Variants in BTBD8 observed in about 807,000 individuals in gnomAD.
BTBD8 encodes the protein BTB domain containing 8, also known as BTB/POZ domain-containing protein 8.
Under a neutral mutation model 162.9 loss-of-function variants are expected in BTBD8, and 110 were observed. The ratio of observed to expected loss-of-function variants is 0.68; its 90% confidence interval spans 0.58 to 0.79. The LOEUF (loss-of-function observed/expected upper bound fraction) is 0.79, where lower values mean the gene tolerates loss of function less well. BTBD8 is among the 30% of genes least tolerant of loss of function. The probability of loss-of-function intolerance (pLI) is 0.00; values close to 1 mark genes in which losing one functional copy is unlikely to be tolerated. For missense variants in BTBD8, 1,905 were observed against 2,085.4 expected (o/e 0.91, Z 1.68); for synonymous variants, 667 against 716.1 (o/e 0.93, Z 1.10).
At chr1:92,148,765 T>C (rs1405239005) in intron 9 of BTBD8, among the ~76,000 whole-genome samples, 1 of 152,194 alleles carries the variant, frequency 6.6e-6, no homozygotes, top group Non-Finnish European at 1.5e-5. Context: ...GGGACACAAG[T>C]ATTGATTCTG....
intron 2 of BTBD8, among the ~76,000 whole-genome samples, chr1:92,099,171 T>G (rs1648525121): frequency 6.6e-6 from 1 of 152,216 alleles, no homozygotes; most frequent in Non-Finnish European, 1.5e-5. Context: ...CATTGTGTTA[T>G]TGTCTGGACA....
chr1:92,150,084 A>T (rs1373018288), intron 9 of BTBD8, among the ~76,000 whole-genome samples: 1 of 152,230 alleles, frequency 6.6e-6, no homozygotes, highest in African/African-American at 2.4e-5. Context: ...ATAAGTCTGC[A>T]CCGATGTCAT....
chr1:92,157,799 G>A (rs1650194195), intron 9 of BTBD8, among the ~76,000 whole-genome samples: 1 of 152,100 alleles, frequency 6.6e-6, no homozygotes, highest in South Asian at 2.1e-4. Context: ...GAGCCACTGT[G>A]CCCAACATGT....
chr1:92,180,385 T>C lies in BTBD8; in HGVS notation c.2702T>C (p.Met901Thr). 6.4e-7 allele frequency: 1 copy of C among 1,551,298 alleles called. No individual in the cohort carries two copies. The highest frequency in any genetic ancestry group is 8.7e-7 in the Non-Finnish European group (1 of 1,146,876). ...TTEKQAPKRK[M>T]VKQVHTALPK... Reference sequence around the variant, plus strand: ...GAGAAACAAGCACCTAAGAGAAAAATGGTCAAGCAAGTACACACAGCTTTG... The same window carrying C: ...GAGAAACAAGCACCTAAGAGAAAAACGGTCAAGCAAGTACACACAGCTTTG... Residue 901 changes from methionine to threonine, a missense_variant, in exon 17 of 18, where the codon ATG becomes ACG. Met to Thr is a moderately conservative substitution (Grantham distance 81). This residue lies in a region of BTBD8 where 1,374 missense variants were observed against 1,442.7 expected (regional missense o/e 0.95). Coordinates refer to ENST00000636805, the MANE Select transcript of BTBD8 (RefSeq NM_001376131.1).
At chr1:92,168,796 G>A in intron 11 of BTBD8, 70 bp from the exon 12 acceptor site, 2 of 1,378,832 alleles carry the variant, frequency 1.5e-6, no homozygotes, top group Non-Finnish European at 1.9e-6. Context: ...AGTAGATTCT[G>A]AAAGGAATAA....
chr1:92,140,883 A>G (rs962287121), intron 6 of BTBD8, among the ~76,000 whole-genome samples: 1 of 152,220 alleles, frequency 6.6e-6, no homozygotes, highest in Non-Finnish European at 1.5e-5. Flanking sequence ...GACATCTCCA[A>G]ATTTATTTCT....
chr1:92,108,408 A>G (rs1020748588), intron 4 of BTBD8, among the ~76,000 whole-genome samples: 2 of 152,260 alleles, frequency 1.3e-5, no homozygotes, highest in Non-Finnish European at 2.9e-5. Context: ...GCATTATAGT[A>G]TTGAGAAGTA....
chr1:92,161,251 C>T (rs919732712), intron 9 of BTBD8, among the ~76,000 whole-genome samples: 4 of 152,202 alleles, frequency 2.6e-5, no homozygotes, highest in Non-Finnish European at 5.9e-5. Flanking sequence ...TTGCTGATGT[C>T]ACTTCTCCTC....
chr1:92,180,008 G>T (rs1171767165), intron 16 of BTBD8, among the ~76,000 whole-genome samples: 1 of 152,052 alleles, frequency 6.6e-6, no homozygotes, highest in African/African-American at 2.4e-5. Flanking sequence ...TTTACTTGAG[G>T]AAGAGAGATC....
intron 9 of BTBD8, among the ~76,000 whole-genome samples, chr1:92,160,661 C>A (rs1650255294): frequency 6.6e-6 from 1 of 151,940 alleles, no homozygotes. Flanking sequence ...TTGGATACTC[C>A]TCTACACTCC....
chr1:92,102,725 T>G, intron 3 of BTBD8, 56 bp downstream of exon 3: 1 of 1,328,996 alleles, frequency 7.5e-7, no homozygotes. Context: ...TATATTCTGA[T>G]ACAGTTAGAG....
intron 9 of BTBD8, among the ~76,000 whole-genome samples, chr1:92,162,661 T>C (rs905827505): frequency 6.6e-6 from 1 of 152,142 alleles, no homozygotes; most frequent in Non-Finnish European, 1.5e-5. Flanking sequence ...AGCTAGAAAA[T>C]ACACCCTTGA....
chr1:92,123,650 C>T (rs934874057), intron 4 of BTBD8, among the ~76,000 whole-genome samples: 1 of 151,444 alleles, frequency 6.6e-6, no homozygotes, highest in Non-Finnish European at 1.5e-5. Context: ...ACTAAATCAT[C>T]TTTGGGTGAC....
At chr1:92,134,374 C>T (rs1649581319) in intron 5 of BTBD8, among the ~76,000 whole-genome samples, 2 of 152,244 alleles carry the variant, frequency 1.3e-5, no homozygotes, top group Admixed American at 1.3e-4. Context: ...CCTCCATGAT[C>T]TGGCCCCTGG....
intron 13 of BTBD8, among the ~76,000 whole-genome samples, chr1:92,173,633 A>T (rs185833482): frequency 6.6e-6 from 1 of 152,322 alleles, no homozygotes. Flanking sequence ...GAAGGAAGGA[A>T]GTTTCCCCCA....
intron 5 of BTBD8, 63 bp downstream of exon 5, chr1:92,129,839 C>T (rs1649467136): frequency 1.5e-6 from 2 of 1,345,662 alleles, no homozygotes; most frequent in Non-Finnish European, 2.1e-6. Flanking sequence ...TCATACAAAG[C>T]ACTTTTTATG....
chr1:92,117,182 C>A (rs1238615399), intron 4 of BTBD8, among the ~76,000 whole-genome samples: 1 of 151,856 alleles, frequency 6.6e-6, no homozygotes, highest in Non-Finnish European at 1.5e-5. Context: ...TCCATCTTCT[C>A]TTGTCATTTC....
At chr1:92,121,873 G>T (rs1233928189) in intron 4 of BTBD8, among the ~76,000 whole-genome samples, 2 of 148,856 alleles carry the variant, frequency 1.3e-5, no homozygotes, top group African/African-American at 5.0e-5. Context: ...GTCTTGCTAT[G>T]TTACCCAGGC....
At position 92,177,832 on chromosome 1, in the gene BTBD8, C is replaced by A; in HGVS notation, c.2375C>A (p.Ser792Ter). Residue 792 changes from serine to a stop codon, truncating the protein, a stop_gained, in exon 15 of 18, where the codon TCA (serine) becomes TAA (stop). Transcript: ENST00000636805. LOFTEE classifies it high-confidence loss of function. ...ATAGCCATAAAATCTCGACCTGTTT[C>A]AAGAGTTACCAATGGAACTTCCAAT... ...STVAIKSRPV[S>*]RVTNGTSNKK... is the part of the protein sequence containing the mutation. 6.5e-7 allele frequency: 1 copy of A among 1,539,940 alleles called. No homozygotes were observed. The highest frequency in any genetic ancestry group is 1.2e-5 in the South Asian group (1 of 83,700).
Sources: allele counts gnomAD v4.1 joint callset (sites outside exome capture counted in the v4.1 genomes callset), GRCh38; gene constraint gnomAD v4.1.1; regional missense constraint gnomAD v4.1.1; transcripts MANE v1.5; gene names NCBI Gene and HGNC (gene_info 2026-07-23, HGNC 2026-07-21).